RSPH14: variants seen among roughly 807,000 people sequenced by gnomAD.
RSPH14 encodes the protein radial spoke head 14 homolog, also known as rhabdoid tumor deletion region gene 1.
RSPH14 carries 20 observed loss-of-function variants against 26.7 expected under a neutral mutation model. The observed-to-expected ratio is 0.75, with a 90% CI of 0.53 to 1.09. The LOEUF is 1.09. Among genes scored for constraint, RSPH14 ranks in the 50% least tolerant of loss-of-function variants. The pLI is 0.00. For synonymous variants in RSPH14, 177 were observed against 189.3 expected, an observed-to-expected ratio of 0.93 and a Z score of 0.53; for missense variants, 449 against 457.2, an observed-to-expected ratio of 0.98 and a Z score of 0.16.
Position 23,130,051 on chromosome 22 carries a change from GAGAAAGAAAAAGAA to G in RSPH14, c.421+3961_421+3974del, listed in dbSNP as rs2070276905. The stretch of plus-strand genomic sequence containing the variant: ...AAGAAAGGGAAGGGAGAGAAAGAAA[GAGAAAGAAAAAGAA>G]AGAAAGAAAGAAAGAAAGGAAGAAA... On this transcript the variant is annotated intron_variant, in intron 4 of 6. Coordinates refer to ENST00000216036, the MANE Select transcript of RSPH14 (RefSeq NM_014433.3). 1.3e-4 allele frequency among the ~76,000 whole-genome samples: 18 copies of G among 138,452 alleles called. No homozygotes were observed. The South Asian group carries it at 4.1e-3, about 32-fold the overall frequency. 90.8% of individuals were successfully genotyped at this position (138,452 alleles called of 152,430 possible).
At chr22:23,081,336 T>G (rs2068672328) in intron 4 of RSPH14, among the ~76,000 whole-genome samples, 1 of 152,236 alleles carries the variant, frequency 6.6e-6, no homozygotes, top group East Asian at 1.9e-4. Context: ...TTTGTGTCTC[T>G]GAAAATTGAC....
At chr22:23,102,184 G>A (rs2146335126) in intron 4 of RSPH14, among the ~76,000 whole-genome samples, 1 of 152,344 alleles carries the variant, frequency 6.6e-6, no homozygotes, top group African/African-American at 2.4e-5. Flanking sequence ...CCACCTCAGT[G>A]GGCCTTCAGC....
At chr22:23,155,141 A>T in the RSPH14 span, among the ~76,000 whole-genome samples, 1 of 152,174 alleles carries the variant, frequency 6.6e-6, no homozygotes, top group Non-Finnish European at 1.5e-5. Context: ...AAAAGAAAAA[A>T]ATCAGACCAT....
At chr22:23,098,304 C>T (rs1286275826) in intron 4 of RSPH14, among the ~76,000 whole-genome samples, 2 of 152,376 alleles carry the variant, frequency 1.3e-5, no homozygotes, top group East Asian at 1.9e-4. Flanking sequence ...CCAAGTGGCG[C>T]CTCCTGGGAG....
chr22:23,059,761 C>T, intron 6 of RSPH14, 43 bp from the exon 7 acceptor site: 1 of 1,491,512 alleles, frequency 6.7e-7, no homozygotes, highest in South Asian at 1.4e-5. Flanking sequence ...GCCCAAGGGG[C>T]CCTCTTCTCA....
chr22:23,077,247 A>C (rs923525046), intron 4 of RSPH14, among the ~76,000 whole-genome samples: 1 of 151,990 alleles, frequency 6.6e-6, no homozygotes, highest in African/African-American at 2.4e-5. Flanking sequence ...CTAACCCCTT[A>C]TTGGGAAGGA....
intron 4 of RSPH14, among the ~76,000 whole-genome samples, chr22:23,130,538 G>GA (rs2070341071): frequency 2.0e-5 from 3 of 148,848 alleles, no homozygotes; most frequent in South Asian, 4.3e-4. Context: ...GAAAGAGAAA[G>GA]AAGGAAAGAA....
At chr22:23,171,524 T>C in the RSPH14 span, among the ~76,000 whole-genome samples, 5 of 152,170 alleles carry the variant, frequency 3.3e-5, no homozygotes, top group South Asian at 4.1e-4. Flanking sequence ...TTCAGTCCAT[T>C]GTATACATGT....
chr22:23,096,461 G>C (rs190421220), intron 4 of RSPH14: 1 of 1,557,196 alleles, frequency 6.4e-7, no homozygotes, highest in Non-Finnish European at 8.7e-7. Context: ...TCCTGCTGTC[G>C]TGGGTTCCTG....
intron 4 of RSPH14, among the ~76,000 whole-genome samples, chr22:23,068,916 C>T (rs913974311): frequency 2.0e-5 from 3 of 152,196 alleles, no homozygotes; most frequent in Non-Finnish European, 4.4e-5. Flanking sequence ...GGTAGCTAGC[C>T]CCTCAGCCAT....
chr22:23,071,117 G>T lies in RSPH14; in HGVS notation c.422-6984C>A, dbSNP rs568756160. Among the ~76,000 whole-genome samples the T allele has an allele frequency of 2.4e-4, 37 of 152,338 alleles. No homozygotes were observed. Among genetic ancestry groups the T allele is most frequent in the South Asian group, 1.4e-3 (7 of 4,830 alleles). ...CGGTCACTGCTCTTGCAGCGAGCAGGTTCCTCACAGGCATTTAGAGGAAGA... is the reference window on the plus strand; with the variant it reads ...CGGTCACTGCTCTTGCAGCGAGCAGTTTCCTCACAGGCATTTAGAGGAAGA... On this transcript the variant is annotated intron_variant, in intron 4 of 6. Transcript: ENST00000216036. The surrounding 1 kb of genome is among the most constrained non-coding windows in gnomAD (Gnocchi z 4.1).
the RSPH14 span, chr22:23,150,237 AAC>A: frequency 9.0e-7 from 1 of 1,105,400 alleles, no homozygotes; most frequent in Non-Finnish European, 1.3e-6. Flanking sequence ...GAACAAATGA[AAC>A]ACACACACGA....
chr22:23,133,159 C>A (rs929587276), intron 4 of RSPH14, among the ~76,000 whole-genome samples: 1 of 152,188 alleles, frequency 6.6e-6, no homozygotes, highest in East Asian at 1.9e-4. Flanking sequence ...GTGTTCATAG[C>A]CACTCTATTC....
At chr22:23,060,695 G>C (rs1372970401) in intron 6 of RSPH14, among the ~76,000 whole-genome samples, 2 of 152,076 alleles carry the variant, frequency 1.3e-5, no homozygotes, top group East Asian at 3.9e-4. Flanking sequence ...ATTGTCCTTG[G>C]GATTGATCCC....
chr22:23,121,000 T>C (rs975699636), intron 4 of RSPH14, among the ~76,000 whole-genome samples: 1 of 152,228 alleles, frequency 6.6e-6, no homozygotes, highest in Non-Finnish European at 1.5e-5. Context: ...TCCTCTATGA[T>C]GTGGCTTCCA....
chr22:23,168,505 C>CACACAG, the RSPH14 span, among the ~76,000 whole-genome samples: 1 of 152,194 alleles, frequency 6.6e-6, no homozygotes, highest in East Asian at 1.9e-4. Flanking sequence ...GCCACACACA[C>CACACAG]ACACAGACAC....
rs760689245 is a variant in RSPH14, at chr22:23,131,868, C to T, written c.421+2158G>A. Among the ~76,000 whole-genome samples the T allele has an allele frequency of 5.9e-5, 9 of 152,120 alleles. No individual in the cohort carries two copies. The South Asian group carries it at 6.2e-4, about 11-fold the overall frequency. On this transcript the variant is annotated intron_variant, in intron 4 of 6. Transcript: ENST00000216036. Reference sequence around the variant, plus strand: ...GTGGCCTGGGAGAGGACCAGGGGCACGGTGGTGTTTTTAAAAAACCACAGG... The same window carrying T: ...GTGGCCTGGGAGAGGACCAGGGGCATGGTGGTGTTTTTAAAAAACCACAGG...
At chr22:23,078,727 T>G (rs13055536) in intron 4 of RSPH14, among the ~76,000 whole-genome samples, 126,599 of 152,224 alleles carry the variant, frequency 0.83, 52,928 homozygotes, top group East Asian at 0.96. Context: ...AGGCCAAGGG[T>G]GAGGGCCAGG....
the RSPH14 span, chr22:23,161,474 C>G: frequency 1.3e-6 from 2 of 1,582,784 alleles, no homozygotes; most frequent in East Asian, 4.5e-5. Flanking sequence ...CTGGTTGATG[C>G]TAAATTACTT....
Sources: allele counts gnomAD v4.1 joint callset (sites outside exome capture counted in the v4.1 genomes callset), GRCh38; gene constraint gnomAD v4.1.1; non-coding constraint Gnocchi (gnomAD v3.1); transcripts MANE v1.5; gene names NCBI Gene and HGNC (gene_info 2026-07-23, HGNC 2026-07-21).